The following ZFP37 variants were observed in gnomAD, a reference collection of about 807,000 sequenced individuals.
ZFP37 encodes zinc finger protein 37 homolog.
A neutral mutation model predicts 52.1 loss-of-function variants in ZFP37; 38 were observed. That is an observed-to-expected ratio of 0.73 (90% CI 0.56 to 0.96). The LOEUF is 0.96. ZFP37 is among the 40% of genes least tolerant of loss of function. The pLI, the probability that ZFP37 is intolerant of heterozygous loss-of-function variation, is 0.00. For synonymous variants in ZFP37, 253 were observed against 259.5 expected (o/e 0.98, Z 0.24); for missense variants, 695 against 741.4 (o/e 0.94, Z 0.73).
At position 113,049,491 on chromosome 9, in the gene ZFP37, G is replaced by C. The variant is rs1183628060; in HGVS notation, c.220C>G (p.Gln74Glu). 2 of 1,612,392 alleles carry C rather than the reference G, an allele frequency of 1.2e-6. No homozygotes were observed. The highest frequency in any genetic ancestry group is 2.2e-5 in the East Asian group (1 of 44,866). The change falls in exon 3 of 4, where the codon CAA becomes GAA. Residue 74 changes from glutamine (Q) to glutamate (E), a missense_variant. Gln to Glu is a conservative substitution (Grantham distance 29). Coordinates refer to ENST00000374227, the MANE Select transcript of ZFP37 (RefSeq NM_003408.3). Reference protein sequence around the residue: ...NYCNQASMGCQAPKPDMISKL... With the variant: ...NYCNQASMGCEAPKPDMISKL... ...GAGATCATGTCTGGTTTGGGAGCTT[G>C]ACACCCTGCTCATGAGAAATAGCAG...
intron 3 of ZFP37, among the ~76,000 whole-genome samples, chr9:113,047,031 C>G (rs1828969437): frequency 6.6e-6 from 1 of 151,326 alleles, no homozygotes; most frequent in East Asian, 2.0e-4. Flanking sequence ...ATGGTGTGAA[C>G]TCGGGAGGAG....
chr9:113,048,282 TC>T (rs1828994756), intron 3 of ZFP37, among the ~76,000 whole-genome samples: 1 of 152,198 alleles, frequency 6.6e-6, no homozygotes. Flanking sequence ...CTAGAGAATT[TC>T]CTAGTGAAAG....
At position 113,041,215 on chromosome 9, in the gene ZFP37, C is replaced by T. The variant is rs1819426; in HGVS notation, c.*1510G>A. 0.64 allele frequency: 97,679 copies of T among 152,022 alleles called. 31,652 individuals are homozygous for T. Among genetic ancestry groups the T allele is most frequent in the East Asian group, 0.85 (4,373 of 5,174 alleles). The allele number at this position is 152,022 out of a possible 1,614,324, so 9.4% of individuals were successfully genotyped here. On this transcript the variant is annotated 3_prime_UTR_variant, in exon 4 of 4. Transcript: ENST00000374227. Reference sequence around the variant, plus strand: ...CCCACAGTGCTGGAGATTACAGGCACCCACCATGCCCAGCCAGAAGTATTT... The same window carrying T: ...CCCACAGTGCTGGAGATTACAGGCATCCACCATGCCCAGCCAGAAGTATTT...
chr9:113,046,864 C>A lies in ZFP37; in HGVS notation c.349+2498G>T, dbSNP rs535556400. ...GTGGCTTAAGCCTGTAATCCCAGCA[C>A]TTTGGGAGGCCGAAGCGGGTGGATC... On this transcript the variant is annotated intron_variant, in intron 3 of 3. Transcript: ENST00000374227. Among the ~76,000 whole-genome samples, 24 of 152,302 alleles carry A rather than the reference C, an allele frequency of 1.6e-4. No individual in the cohort carries two copies. In the East Asian group the frequency reaches 4.6e-3, roughly 29 times the overall value.
chr9:113,046,924 C>T (rs540076004), intron 3 of ZFP37, among the ~76,000 whole-genome samples: 5 of 152,136 alleles, frequency 3.3e-5, no homozygotes, highest in Non-Finnish European at 5.9e-5. Flanking sequence ...CTAGCTAACA[C>T]GGTGAAACCC....
chr9:113,056,563 G>A lies in ZFP37; in HGVS notation c.126C>T (p.Ser42=). The A allele has an allele frequency of 6.2e-7, 1 of 1,613,380 alleles. No homozygotes were observed. Residue 42 remains serine, a synonymous_variant, in exon 1 of 4, where the codon AGC becomes AGT. Transcript: ENST00000374227. ...GTCTCATCACAGCTCTCACCGCGGC[G>A]CTGGCCTCGGGCTCGGACACAGCCA... is the stretch of plus-strand genomic sequence containing the variant. ...LEMAVSEPEA[S]AAEWKQLDPA...
Position 113,044,080 on chromosome 9 carries a change from A to C in ZFP37, c.538T>G (p.Cys180Gly), listed in dbSNP as rs1828909341. 1 of 1,609,318 alleles carries C rather than the reference A, an allele frequency of 6.2e-7. No homozygotes were observed. Residue 180 changes from cysteine to glycine, a missense_variant, in exon 4 of 4, where the codon TGT becomes GGT. Cys to Gly is a radical substitution (Grantham distance 159). Coordinates refer to ENST00000374227, the MANE Select transcript of ZFP37 (RefSeq NM_003408.3). Reference sequence around the variant, plus strand: ...AAATTCTGTTTCAAAATTTTTCCACATGACTCAAATTTAAGAAGCCTTTTC... The same window carrying C: ...AAATTCTGTTTCAAAATTTTTCCACCTGACTCAAATTTAAGAAGCCTTTTC... Reference protein sequence around the residue: ...SKKRLLKFESCGKILKQNLDL... With the variant: ...SKKRLLKFESGGKILKQNLDL...
In ZFP37 at chr9:113,041,806, AAAT is replaced by A. The variant is rs1269603163; in HGVS notation, c.*916_*918del. 6.6e-6 allele frequency: 1 copy of A among 152,174 alleles called. No individual in the cohort carries two copies. The highest frequency in any genetic ancestry group is 2.4e-5 in the African/African-American group (1 of 41,452). 9.4% of individuals were successfully genotyped at this position (152,174 alleles called of 1,614,324 possible). A position where few individuals can be genotyped will look rare whatever the true frequency, so the allele number is the denominator to read the frequency against. On this transcript the variant is annotated 3_prime_UTR_variant, in exon 4 of 4. Coordinates refer to ENST00000374227, the MANE Select transcript of ZFP37 (RefSeq NM_003408.3). ...TGTGGAGGGGCTCAGTGACAACCTT[AAAT>A]AATGTTGATTTATGCATATTAAAAT...
intron 3 of ZFP37, among the ~76,000 whole-genome samples, chr9:113,044,626 G>A (rs749391933): frequency 2.0e-5 from 3 of 152,034 alleles, no homozygotes; most frequent in Non-Finnish European, 4.4e-5. Flanking sequence ...AAGCTGCCCA[G>A]TTCTGATAAC....
intron 1 of ZFP37, among the ~76,000 whole-genome samples, chr9:113,054,524 C>T (rs867374264): frequency 5.3e-5 from 8 of 152,238 alleles, no homozygotes; most frequent in Middle Eastern, 6.8e-3. Flanking sequence ...TATATAGTGG[C>T]TACCCAATAT....
rs1045385255 is a variant in ZFP37, at chr9:113,056,455, AC to A, written c.132+101del. On this transcript the variant is annotated intron_variant, in intron 1 of 3. Coordinates refer to ENST00000374227, the MANE Select transcript of ZFP37 (RefSeq NM_003408.3). ...CAAAAGACCATCTAGCATCGATTCC[AC>A]CAATTCCCAAATCACCTATCGTCAC... 7.2e-6 allele frequency: 11 copies of A among 1,537,478 alleles called. No homozygotes were observed. The African/African-American group carries it at 1.2e-4, about 17-fold the overall frequency.
chr9:113,044,830 C>T (rs1828923875), intron 3 of ZFP37, among the ~76,000 whole-genome samples: 1 of 151,920 alleles, frequency 6.6e-6, no homozygotes, highest in Non-Finnish European at 1.5e-5. Context: ...ACTAGTAAAC[C>T]ATATTTTCTC....
chr9:113,041,348 A>G lies in ZFP37; in HGVS notation c.*1377T>C, dbSNP rs901067198. The G allele has an allele frequency of 1.3e-5, 2 of 152,204 alleles. No individual in the cohort carries two copies. Among genetic ancestry groups the G allele is most frequent in the Admixed American group, 6.5e-5 (1 of 15,268 alleles). 9.4% of individuals were successfully genotyped at this position (152,204 alleles called of 1,614,324 possible). Reference sequence around the variant, plus strand: ...TACCTTCTGGAATGCACGCTGCACAATGATTCTGAGGCCAACTCTGGGTTC... The same window carrying G: ...TACCTTCTGGAATGCACGCTGCACAGTGATTCTGAGGCCAACTCTGGGTTC... On this transcript the variant is annotated 3_prime_UTR_variant, in exon 4 of 4. Transcript: ENST00000374227.
chr9:113,044,197 C>T lies in ZFP37; in HGVS notation c.421G>A (p.Val141Ile), dbSNP rs761403713. ...TTCTTAGCTTGAGTTTTCTTCTTGACTGCAACTTCCCTGAGGAGTTTGTTT... is the reference window on the plus strand; with the variant it reads ...TTCTTAGCTTGAGTTTTCTTCTTGATTGCAACTTCCCTGAGGAGTTTGTTT... ...SQNKLLREVAVKKKTQAKKNG... is the reference protein window; with the variant it reads ...SQNKLLREVAIKKKTQAKKNG... Residue 141 changes from valine (V) to isoleucine (I), a missense_variant, in exon 4 of 4, where the codon GTC becomes ATC. Around this residue, in one of 2 missense-constraint regions of ZFP37, gnomAD observed 369 missense variants for 340.9 expected, o/e 1.08. Coordinates refer to ENST00000374227, the MANE Select transcript of ZFP37 (RefSeq NM_003408.3). 1.4e-5 allele frequency: 23 copies of T among 1,603,432 alleles called. No individual in the cohort carries two copies. In the South Asian group the frequency reaches 1.8e-4, roughly 13 times the overall value.
At position 113,039,742 on chromosome 9, in the gene ZFP37, C is replaced by T. The variant is rs534824845; in HGVS notation, c.*2983G>A. ...CTCAGGCACTTAGATGATCATATCA[C>T]TTGAATAAATAAATGTTTCAAAACT... On this transcript the variant is annotated 3_prime_UTR_variant, in exon 4 of 4. Coordinates refer to ENST00000374227, the MANE Select transcript of ZFP37 (RefSeq NM_003408.3). 64 of 152,276 alleles carry T rather than the reference C, an allele frequency of 4.2e-4. No homozygotes were observed. Among genetic ancestry groups the T allele is most frequent in the African/African-American group, 1.4e-3 (60 of 41,558 alleles). 9.4% of individuals were successfully genotyped at this position (152,276 alleles called of 1,614,324 possible). A position where few individuals can be genotyped will look rare whatever the true frequency, so the allele number is the denominator to read the frequency against.
intron 3 of ZFP37, 77 bp from the exon 4 acceptor site, chr9:113,044,345 A>T (rs1298788739): frequency 1.0e-5 from 14 of 1,374,756 alleles, no homozygotes; most frequent in Non-Finnish European, 1.4e-5. Context: ...TAAAGAAATG[A>T]CCTGTTGTAG....
Position 113,042,605 on chromosome 9 carries a change from T to A in ZFP37, c.*120A>T. The A allele has an allele frequency of 1.3e-6, 1 of 785,564 alleles. No homozygotes were observed. The highest frequency in any genetic ancestry group is 1.9e-6 in the Non-Finnish European group (1 of 528,706). The allele number at this position is 785,564 out of a possible 1,614,324, so 48.7% of individuals were successfully genotyped here. A position where few individuals can be genotyped will look rare whatever the true frequency, so the allele number is the denominator to read the frequency against. On this transcript the variant is annotated 3_prime_UTR_variant, in exon 4 of 4. Coordinates refer to ENST00000374227, the MANE Select transcript of ZFP37 (RefSeq NM_003408.3). ...TCTATATGAAGATCCATTTTCAAAGTTTCTCATGTACAACAAGGTGTGACA... is the reference window on the plus strand; with the variant it reads ...TCTATATGAAGATCCATTTTCAAAGATTCTCATGTACAACAAGGTGTGACA...
Position 113,038,824 on chromosome 9 carries a change from C to T in ZFP37, c.*3901G>A, listed in dbSNP as rs1164393647. 2 of 151,924 alleles carry T rather than the reference C, an allele frequency of 1.3e-5. No individual in the cohort carries two copies. Among genetic ancestry groups the T allele is most frequent in the Non-Finnish European group, 2.9e-5 (2 of 67,982 alleles). 9.4% of individuals were successfully genotyped at this position (151,924 alleles called of 1,614,324 possible). On this transcript the variant is annotated 3_prime_UTR_variant, in exon 4 of 4. Coordinates refer to ENST00000374227, the MANE Select transcript of ZFP37 (RefSeq NM_003408.3). ...AAAAGAAAGATTCAATTTCCTCAAG[C>T]CACCTGAAACTAGGTGTGGTCATGT...
rs1180965306 is a variant in ZFP37, at chr9:113,052,179, T to G, written c.133-2307A>C. Among the ~76,000 whole-genome samples the G allele has an allele frequency of 6.6e-6, 1 of 152,158 alleles. No individual in the cohort carries two copies. Among genetic ancestry groups the G allele is most frequent in the Non-Finnish European group, 1.5e-5 (1 of 68,026 alleles). On this transcript the variant is annotated intron_variant, in intron 1 of 3. Transcript: ENST00000374227. The surrounding 1 kb of genome is among the most constrained non-coding windows in gnomAD (Gnocchi z 4.1). The stretch of plus-strand genomic sequence containing the variant: ...CCCTCAACCTCTTTAGCCACTCCCT[T>G]CATTTGCATGCTTCACCTGAAATCT...
Sources: allele counts gnomAD v4.1 joint callset (sites outside exome capture counted in the v4.1 genomes callset), GRCh38; gene constraint gnomAD v4.1.1; regional missense constraint gnomAD v4.1.1; non-coding constraint Gnocchi (gnomAD v3.1); transcripts MANE v1.5; gene names NCBI Gene and HGNC (gene_info 2026-07-23, HGNC 2026-07-21).